KHDRBS3: variants seen among roughly 807,000 people sequenced by gnomAD.
KHDRBS3 encodes the protein KH RNA binding domain containing, signal transduction associated 3.
A neutral mutation model predicts 45.6 loss-of-function variants in KHDRBS3; 23 were observed. The observed-to-expected ratio is 0.50, with a 90% CI of 0.36 to 0.72. KHDRBS3 has a LOEUF of 0.72. KHDRBS3 is among the 30% of genes least tolerant of loss of function. KHDRBS3 has a pLI of 0.00. For synonymous variants in KHDRBS3, 162 were observed against 156.5 expected (o/e 1.04, Z -0.26); for missense variants, 352 against 424.8 (o/e 0.83, Z 1.51).
At chr8:135,500,301 G>A (rs1400191040) in intron 1 of KHDRBS3, among the ~76,000 whole-genome samples, 1 of 151,910 alleles carries the variant, frequency 6.6e-6, no homozygotes, top group East Asian at 1.9e-4. Flanking sequence ...GTAATAGAGT[G>A]GAGCACGTAC....
At chr8:135,638,857 C>T (rs965264546) in intron 7 of KHDRBS3, among the ~76,000 whole-genome samples, 4 of 125,308 alleles carry the variant, frequency 3.2e-5, no homozygotes, top group African/African-American at 5.0e-5. Flanking sequence ...GCTACTCGGA[C>T]GGCTGAGGCA....
rs1821238625 is a variant in KHDRBS3 at position 135,458,464 on chromosome 8, G to A, written c.88+510G>A. 1.2e-5 allele frequency: 3 copies of A among 243,662 alleles called. 1 individual carries two copies. In the South Asian group the frequency reaches 1.6e-4, roughly 13 times the overall value. 15.1% of individuals were successfully genotyped at this position (243,662 alleles called of 1,614,324 possible). A position where few individuals can be genotyped will look rare whatever the true frequency, so the allele number is the denominator to read the frequency against. On this transcript the variant is annotated intron_variant, in intron 1 of 8. Transcript: ENST00000355849. ...TTTGGGGACCTTGGAAGAGGGTTGG[G>A]GTCAGACCCCAGCACCTGAGAGGAG...
At chr8:135,535,089 G>GT (rs1825668695) in intron 2 of KHDRBS3, among the ~76,000 whole-genome samples, 1 of 152,014 alleles carries the variant, frequency 6.6e-6, no homozygotes, top group Non-Finnish European at 1.5e-5. Context: ...TTGTTATGTA[G>GT]TAGTGGATAA....
At position 135,457,684 on chromosome 8, in the gene KHDRBS3, G is replaced by T; in HGVS notation, c.-183G>T. 1.3e-5 allele frequency: 2 copies of T among 152,010 alleles called. No homozygotes were observed. The highest frequency in any genetic ancestry group is 3.6e-4 in the South Asian group (2 of 5,558). 9.4% of individuals were successfully genotyped at this position (152,010 alleles called of 1,614,324 possible). On this transcript the variant is annotated 5_prime_UTR_variant, in exon 1 of 9. Transcript: ENST00000355849. This position sits in a 1 kb window ranked among gnomAD's most constrained non-coding sequence, Gnocchi z 4.4. ...TCGGCGGCCACCGGGGATCGGGGCT[G>T]AGCGGTCGGTTCCCGCCCCCGTGCC...
At chr8:135,542,402 C>G (rs903619519) in intron 2 of KHDRBS3, 3 of 393,434 alleles carry the variant, frequency 7.6e-6, no homozygotes, top group African/African-American at 6.2e-5. Context: ...GGGAAATTAG[C>G]TTCATTCACA....
chr8:135,594,765 T>C (rs1034549945), intron 6 of KHDRBS3, among the ~76,000 whole-genome samples: 2 of 152,180 alleles, frequency 1.3e-5, no homozygotes, highest in Admixed American at 1.3e-4. Context: ...TGTGGCACAA[T>C]AGGAACTCTG....
intron 1 of KHDRBS3, among the ~76,000 whole-genome samples, chr8:135,511,553 T>C (rs1586636518): frequency 1.6e-5 from 2 of 122,622 alleles, no homozygotes; most frequent in African/African-American, 6.4e-5. Flanking sequence ...TTGTTTGTTG[T>C]TGTTGTTGTT....
intron 2 of KHDRBS3, among the ~76,000 whole-genome samples, chr8:135,532,525 C>G (rs1334717163): frequency 1.3e-5 from 2 of 152,110 alleles, no homozygotes; most frequent in East Asian, 3.9e-4. Flanking sequence ...TACAGTAGAA[C>G]TTCTATTTAT....
chr8:135,629,169 C>G (rs948620736), intron 7 of KHDRBS3, among the ~76,000 whole-genome samples: 3 of 152,232 alleles, frequency 2.0e-5, no homozygotes, highest in Admixed American at 2.0e-4. Flanking sequence ...CTCCAATTCT[C>G]TGGCAAACCT....
intron 2 of KHDRBS3, among the ~76,000 whole-genome samples, chr8:135,528,804 G>C (rs768920600): frequency 1.8e-4 from 28 of 152,192 alleles, no homozygotes; most frequent in Non-Finnish European, 3.4e-4. Flanking sequence ...AGAGCAAAAA[G>C]AGCCTCAGCT....
intron 6 of KHDRBS3, among the ~76,000 whole-genome samples, chr8:135,598,747 C>T (rs761719864): frequency 6.6e-6 from 1 of 152,154 alleles, no homozygotes; most frequent in Non-Finnish European, 1.5e-5. Flanking sequence ...CCAGTGAAAA[C>T]TGAATTTCTG....
intron 6 of KHDRBS3, among the ~76,000 whole-genome samples, chr8:135,591,472 G>A (rs1162476053): frequency 1.3e-5 from 2 of 152,164 alleles, no homozygotes; most frequent in African/African-American, 2.4e-5. Context: ...CCTGTTGTAC[G>A]AGCAGGCCTC....
chr8:135,509,110 T>C (rs1362592259), intron 1 of KHDRBS3, among the ~76,000 whole-genome samples: 1 of 152,208 alleles, frequency 6.6e-6, no homozygotes, highest in Non-Finnish European at 1.5e-5. Flanking sequence ...ATTTATGATG[T>C]TTTTATGTTC....
intron 5 of KHDRBS3, among the ~76,000 whole-genome samples, chr8:135,574,888 C>T (rs1171161417): frequency 6.6e-6 from 1 of 152,190 alleles, no homozygotes; most frequent in African/African-American, 2.4e-5. Flanking sequence ...TGCACTGTCT[C>T]ATGTTTCTCT....
intron 5 of KHDRBS3, among the ~76,000 whole-genome samples, chr8:135,567,474 G>A (rs1467572608): frequency 6.6e-6 from 1 of 152,204 alleles, no homozygotes; most frequent in South Asian, 2.1e-4. Context: ...TTCTGAGCAT[G>A]TAGCACCCCG....
At chr8:135,641,047 A>T (rs1275140875) in intron 7 of KHDRBS3, among the ~76,000 whole-genome samples, 4 of 152,170 alleles carry the variant, frequency 2.6e-5, no homozygotes, top group Non-Finnish European at 5.9e-5. Context: ...AACTGGGTGA[A>T]ATGATAGCAA....
intron 1 of KHDRBS3, among the ~76,000 whole-genome samples, chr8:135,500,646 G>A (rs1310083956): frequency 1.3e-5 from 2 of 152,138 alleles, no homozygotes; most frequent in African/African-American, 4.8e-5. Flanking sequence ...TTTAGTTAAG[G>A]TCACTCAACT....
intron 1 of KHDRBS3, among the ~76,000 whole-genome samples, chr8:135,463,596 T>C (rs1821541664): frequency 6.6e-6 from 1 of 152,204 alleles, no homozygotes; most frequent in South Asian, 2.1e-4. Flanking sequence ...CAATTTGCTC[T>C]CCTTCTCTAA....
intron 5 of KHDRBS3, among the ~76,000 whole-genome samples, chr8:135,560,968 T>C (rs2130846850): frequency 6.6e-6 from 1 of 152,334 alleles, no homozygotes; most frequent in Admixed American, 6.5e-5. Flanking sequence ...ATTATGGTCT[T>C]CCTTGGTCCC....
Sources: gnomAD v4.1 joint callset for allele counts (sites outside exome capture counted in the v4.1 genomes callset) on GRCh38, gnomAD v4.1.1 for gene constraint, Gnocchi (gnomAD v3.1) non-coding constraint, MANE v1.5 for transcripts, NCBI Gene and HGNC (gene_info 2026-07-23, HGNC 2026-07-21) for gene names.